POC1B: variants seen among roughly 807,000 people sequenced by gnomAD.
POC1B encodes the protein POC1 centriolar protein B.
Under a neutral mutation model 60.6 loss-of-function variants are expected in POC1B, and 44 were observed. The observed-to-expected ratio is 0.73, with a 90% CI of 0.57 to 0.93. The LOEUF (loss-of-function observed/expected upper bound fraction) is 0.93. POC1B is among the 40% of genes least tolerant of loss of function. The pLI is 0.00. For missense variants in POC1B, 555 were observed against 572.3 expected, an observed-to-expected ratio of 0.97 and a Z score of 0.31; for synonymous variants, 180 against 198.9, an observed-to-expected ratio of 0.90 and a Z score of 0.80.
chr12:89,406,026 A>G, the POC1B span, among the ~76,000 whole-genome samples: 5 of 126,094 alleles, frequency 4.0e-5, no homozygotes, highest in East Asian at 2.3e-4. Context: ...TCTTCACTGG[A>G]GGTTAGAATT....
At chr12:89,504,278 T>A (rs992385599) in intron 2 of POC1B, among the ~76,000 whole-genome samples, 5 of 152,254 alleles carry the variant, frequency 3.3e-5, no homozygotes, top group African/African-American at 9.6e-5. Context: ...TCTTCTGCTT[T>A]GGGATGCTGT....
chr12:89,500,103 CG>C, intron 2 of POC1B: 1 of 1,441,332 alleles, frequency 6.9e-7, no homozygotes, highest in Non-Finnish European at 9.6e-7. Flanking sequence ...ATGGCTGTGT[CG>C]GGTCTGGATC....
intron 4 of POC1B, among the ~76,000 whole-genome samples, chr12:89,487,298 A>G (rs1282284562): frequency 2.0e-5 from 3 of 152,198 alleles, no homozygotes; most frequent in Non-Finnish European, 4.4e-5. Flanking sequence ...CTGGTTCCTC[A>G]GGGCAAGCTT....
chr12:89,502,376 T>C, intron 2 of POC1B: 1 of 1,599,148 alleles, frequency 6.3e-7, no homozygotes, highest in East Asian at 2.2e-5. Flanking sequence ...GGACAGCAAA[T>C]AGATTATCAA....
downstream of POC1B, among the ~76,000 whole-genome samples, chr12:89,415,172 A>T (rs1303322634): frequency 1.3e-5 from 2 of 152,322 alleles, no homozygotes; most frequent in East Asian, 1.9e-4. Context: ...TGAAAGGCTA[A>T]TTTCTTTTAT....
the POC1B span, among the ~76,000 whole-genome samples, chr12:89,407,410 T>G: frequency 7.9e-5 from 12 of 152,048 alleles, no homozygotes; most frequent in African/African-American, 2.2e-4. Context: ...TTTTTTTTTG[T>G]ATTTTTAGTA....
chr12:89,502,778 T>C, intron 2 of POC1B: 1 of 1,326,416 alleles, frequency 7.5e-7, no homozygotes. Flanking sequence ...CCAGGATATA[T>C]TGTTTTTTTA....
chr12:89,406,881 C>T, the POC1B span, among the ~76,000 whole-genome samples: 1 of 152,002 alleles, frequency 6.6e-6, no homozygotes, highest in Non-Finnish European at 1.5e-5. Context: ...CACAGTGGCT[C>T]ACACCTGTAA....
intron 2 of POC1B, chr12:89,523,863 G>T: frequency 6.4e-7 from 1 of 1,562,084 alleles, no homozygotes. Context: ...TACACTCACA[G>T]TGACAATCCA....
At chr12:89,471,094 C>CT (rs2120847650) in intron 6 of POC1B, among the ~76,000 whole-genome samples, 1 of 152,148 alleles carries the variant, frequency 6.6e-6, no homozygotes, top group South Asian at 2.1e-4. Flanking sequence ...ATGATACCTC[C>CT]TAGGAATATT....
chr12:89,456,047 G>T (rs776405520), intron 10 of POC1B, among the ~76,000 whole-genome samples: 9 of 135,146 alleles, frequency 6.7e-5, no homozygotes, highest in Non-Finnish European at 1.3e-4. Context: ...TTGTTGTTGA[G>T]ATGGATGGAG....
downstream of POC1B, among the ~76,000 whole-genome samples, chr12:89,416,533 G>A (rs992962404): frequency 6.6e-6 from 1 of 152,178 alleles, no homozygotes; most frequent in African/African-American, 2.4e-5. Context: ...GGCAGTTTTA[G>A]AACACTATGT....
Position 89,525,182 on chromosome 12 carries a change from T to C in POC1B, c.38A>G (p.Tyr13Cys). The change falls in exon 2 of 12, where the codon TAT becomes TGT. Residue 13 changes from tyrosine to cysteine, a missense_variant. Coordinates refer to ENST00000313546, the MANE Select transcript of POC1B (RefSeq NM_172240.3). ...SATEDPVLER[Y>C]FKGHKAAITS... ...GATCGCAGCTTTGTGGCCTTTGAAA[T>C]AACGCTCCAGAACGGGGTCCTCCTG... is the stretch of plus-strand genomic sequence containing the variant. 6.2e-7 allele frequency: 1 copy of C among 1,613,186 alleles called. No homozygotes were observed. Among genetic ancestry groups the C allele is most frequent in the Non-Finnish European group, 8.5e-7 (1 of 1,179,512 alleles).
intron 4 of POC1B, among the ~76,000 whole-genome samples, chr12:89,473,176 C>T (rs2135719996): frequency 6.6e-6 from 1 of 152,274 alleles, no homozygotes; most frequent in South Asian, 2.1e-4. Context: ...TGTAGTTTCC[C>T]TCTATGCCCA....
chr12:89,405,277 T>C, the POC1B span, among the ~76,000 whole-genome samples: 1 of 152,230 alleles, frequency 6.6e-6, no homozygotes, highest in Non-Finnish European at 1.5e-5. Context: ...ACTAGCCTTC[T>C]TCATTGGATG....
intron 2 of POC1B, chr12:89,523,409 G>A (rs747590451): frequency 8.1e-6 from 13 of 1,613,870 alleles, no homozygotes; most frequent in African/African-American, 4.0e-5. Flanking sequence ...TCTGCTGCCC[G>A]AGCAGTATTC....
intron 10 of POC1B, among the ~76,000 whole-genome samples, chr12:89,452,635 T>C (rs150380063): frequency 3.3e-5 from 5 of 152,254 alleles, no homozygotes; most frequent in African/African-American, 1.2e-4. Flanking sequence ...TGTCAGTATA[T>C]CTTAAAAAAA....
rs1265969492 is a variant in POC1B at position 89,503,928 on chromosome 12, A to G, written c.101-6586T>C. ...TGAGGAGCCCCTCCGCCCCGCAGCC[A>G]CCCTGTCTGGGAAGTGAGGAGCGTC... On this transcript the variant is annotated intron_variant, in intron 2 of 11. Transcript: ENST00000313546. Among the ~76,000 whole-genome samples the G allele has an allele frequency of 1.6e-3, 205 of 127,492 alleles. 14 individuals carry two copies. Among genetic ancestry groups the G allele is most frequent in the African/African-American group, 5.9e-3 (198 of 33,724 alleles). 83.6% of individuals were successfully genotyped at this position (127,492 alleles called of 152,430 possible).
At chr12:89,491,621 T>C (rs1289168578) in intron 4 of POC1B, among the ~76,000 whole-genome samples, 1 of 134,730 alleles carries the variant, frequency 7.4e-6, no homozygotes, top group Non-Finnish European at 1.6e-5. Context: ...TGAGACCGTG[T>C]CTCAAAAAAA....
Sources: gnomAD v4.1 joint callset for allele counts (sites outside exome capture counted in the v4.1 genomes callset) on GRCh38, gnomAD v4.1.1 for gene constraint, MANE v1.5 for transcripts, NCBI Gene and HGNC (gene_info 2026-07-23, HGNC 2026-07-21) for gene names.